ANO4: variants seen among roughly 807,000 people sequenced by gnomAD.
ANO4 encodes anoctamin-4.
Under a neutral mutation model 141.9 loss-of-function variants are expected in ANO4, and 69 were observed. That is an observed-to-expected ratio of 0.49 (90% CI 0.40 to 0.59). ANO4 has a LOEUF of 0.59. Ranked by LOEUF, ANO4 falls within the 20% of genes least tolerant of loss-of-function variation. The pLI is 0.00. For synonymous variants in ANO4, 350 were observed against 394.3 expected (o/e 0.89, Z 1.33); for missense variants, 894 against 1,162.2 (o/e 0.77, Z 3.36).
At chr12:100,742,457 T>C (rs1465174591) in intron 3 of ANO4, among the ~76,000 whole-genome samples, 1 of 152,148 alleles carries the variant, frequency 6.6e-6, no homozygotes. Context: ...AAAAGAAAAC[T>C]CTGAGGTGAG....
intron 14 of ANO4, among the ~76,000 whole-genome samples, chr12:101,054,837 G>GT (rs1201671576): frequency 2.0e-5 from 3 of 150,092 alleles, no homozygotes; most frequent in African/African-American, 7.6e-5. Context: ...TCTGCAGTCA[G>GT]TCCCTTGGCA....
intron 3 of ANO4, among the ~76,000 whole-genome samples, chr12:100,779,765 C>T (rs1171757185): frequency 6.6e-6 from 1 of 152,156 alleles, no homozygotes; most frequent in African/African-American, 2.4e-5. Flanking sequence ...GTCATCTCCA[C>T]CATGCTGTCC....
At chr12:100,832,828 A>G (rs904188612) in intron 1 of ANO4, among the ~76,000 whole-genome samples, 3 of 152,154 alleles carry the variant, frequency 2.0e-5, no homozygotes, top group African/African-American at 7.2e-5. Context: ...TCTTAAATAA[A>G]GAGAAAGTGA....
At chr12:100,959,685 C>G (rs1162665191) in intron 5 of ANO4, among the ~76,000 whole-genome samples, 1 of 152,238 alleles carries the variant, frequency 6.6e-6, no homozygotes, top group Non-Finnish European at 1.5e-5. Flanking sequence ...GAAAAACATG[C>G]TTCTCTTGGC....
At chr12:100,928,074 C>T (rs1316230759) in intron 3 of ANO4, among the ~76,000 whole-genome samples, 3 of 148,462 alleles carry the variant, frequency 2.0e-5, no homozygotes, top group African/African-American at 2.5e-5. Flanking sequence ...GAGTGAGTCA[C>T]TTTGAATCTA....
intron 3 of ANO4, among the ~76,000 whole-genome samples, chr12:100,746,773 T>C (rs2032132245): frequency 6.6e-6 from 1 of 152,192 alleles, no homozygotes; most frequent in Admixed American, 6.5e-5. Context: ...CTGTGTGTAG[T>C]ACCTTGCCCT....
intron 3 of ANO4, among the ~76,000 whole-genome samples, chr12:100,770,671 G>C (rs894036137): frequency 6.6e-6 from 1 of 152,018 alleles, no homozygotes; most frequent in Admixed American, 6.5e-5. Context: ...TGGGACCTCT[G>C]AGCTCATATT....
At chr12:100,746,048 T>C (rs1420170887) in intron 3 of ANO4, among the ~76,000 whole-genome samples, 1 of 152,166 alleles carries the variant, frequency 6.6e-6, no homozygotes, top group Non-Finnish European at 1.5e-5. Flanking sequence ...CAGATACAGC[T>C]AAGTGATCAC....
chr12:101,023,325 C>A (rs2046606928), intron 9 of ANO4, among the ~76,000 whole-genome samples: 1 of 152,154 alleles, frequency 6.6e-6, no homozygotes, highest in Admixed American at 6.5e-5. Context: ...ATAAAAGTTT[C>A]TTTCATTTGA....
rs747675504 is a variant in ANO4, at chr12:101,096,651, A to G, written c.1850+4A>G. On this transcript the variant is annotated splice_donor_region_variant and intron_variant, in intron 19 of 27. Coordinates refer to ENST00000392977, the MANE Select transcript of ANO4 (RefSeq NM_001286615.2). ...ACATCGCATTCTTCCTCGGAAGGTA[A>G]GAACCTGACCCCTGCACACCTCCCC... The G allele has an allele frequency of 6.2e-7, 1 of 1,608,888 alleles. No homozygotes were observed.
At chr12:101,110,996 C>CTA (rs1260120457) in intron 23 of ANO4, among the ~76,000 whole-genome samples, 2 of 152,208 alleles carry the variant, frequency 1.3e-5, no homozygotes, top group African/African-American at 4.8e-5. Flanking sequence ...GAATCAGATG[C>CTA]AGCTCGCATG....
At chr12:100,885,222 G>A (rs2039771423) in intron 1 of ANO4, among the ~76,000 whole-genome samples, 1 of 152,210 alleles carries the variant, frequency 6.6e-6, no homozygotes, top group Non-Finnish European at 1.5e-5. Context: ...CATGTAAGGT[G>A]ACATATTCAC....
chr12:100,876,641 A>C (rs1047249262), intron 1 of ANO4, among the ~76,000 whole-genome samples: 5 of 152,204 alleles, frequency 3.3e-5, no homozygotes, highest in African/African-American at 1.2e-4. Flanking sequence ...GCTGGCTGTA[A>C]GAATAGTCAT....
intron 14 of ANO4, among the ~76,000 whole-genome samples, chr12:101,058,932 T>C (rs994179810): frequency 6.6e-6 from 1 of 152,236 alleles, no homozygotes; most frequent in African/African-American, 2.4e-5. Context: ...GGCATTCTTA[T>C]TTTGTGCTGG....
intron 7 of ANO4, among the ~76,000 whole-genome samples, chr12:100,978,996 G>A (rs1446861302): frequency 2.0e-5 from 3 of 152,184 alleles, no homozygotes; most frequent in Non-Finnish European, 4.4e-5. Flanking sequence ...CGAGGGGAGT[G>A]TATGGAATAT....
chr12:100,952,078 G>C (rs543645265), intron 5 of ANO4, among the ~76,000 whole-genome samples: 1 of 152,276 alleles, frequency 6.6e-6, no homozygotes, highest in South Asian at 2.1e-4. Context: ...TAGTGTCTAG[G>C]GGGTAGCGCT....
intron 1 of ANO4, among the ~76,000 whole-genome samples, chr12:100,807,840 A>T (rs1339687952): frequency 6.6e-6 from 1 of 152,180 alleles, no homozygotes; most frequent in Non-Finnish European, 1.5e-5. Context: ...TTTGCTGAGG[A>T]TAATGGCTTC....
intron 1 of ANO4, among the ~76,000 whole-genome samples, chr12:100,890,042 T>C (rs11838181): frequency 1.4e-3 from 213 of 152,310 alleles, no homozygotes; most frequent in African/African-American, 5.0e-3. Context: ...AATATTACTA[T>C]AATCATAATT....
chr12:100,972,273 G>C (rs915077474), intron 6 of ANO4, among the ~76,000 whole-genome samples: 2 of 152,226 alleles, frequency 1.3e-5, no homozygotes, highest in African/African-American at 2.4e-5. Context: ...GTCTCTTAAT[G>C]AGCTGTGGAA....
Sources: allele counts gnomAD v4.1 joint callset (sites outside exome capture counted in the v4.1 genomes callset), GRCh38; gene constraint gnomAD v4.1.1; transcripts MANE v1.5; gene names NCBI Gene and HGNC (gene_info 2026-07-23, HGNC 2026-07-21).